Variants in VCL observed in about 807,000 individuals in gnomAD.
VCL encodes the protein epididymis luminal protein 114.
A neutral mutation model predicts 125.7 loss-of-function variants in VCL; 47 were observed. The ratio of observed to expected loss-of-function variants is 0.37; its 90% CI spans 0.30 to 0.48. The LOEUF is 0.48. Ranked by LOEUF, VCL falls within the 20% of genes least tolerant of loss-of-function variation. The pLI is 0.99. For missense variants in VCL, 1,069 were observed against 1,455.5 expected (o/e 0.73, Z 4.32); for synonymous variants, 458 against 514.6 (o/e 0.89, Z 1.49).
intron 1 of VCL, among the ~76,000 whole-genome samples, chr10:74,039,760 C>G (rs1299408427): frequency 6.6e-6 from 1 of 151,578 alleles, no homozygotes; most frequent in Non-Finnish European, 1.5e-5. Context: ...GGGGCCAGAT[C>G]ATGTCTCTTA....
At chr10:74,062,048 A>C (rs1480019430) in intron 2 of VCL, among the ~76,000 whole-genome samples, 1 of 150,874 alleles carries the variant, frequency 6.6e-6, no homozygotes, top group Non-Finnish European at 1.5e-5. Context: ...CAGGCGCACA[A>C]CACCATGCCA....
chr10:74,072,853 G>A lies in VCL; in HGVS notation c.622+1G>A. 6.2e-7 allele frequency: 1 copy of A among 1,613,896 alleles called. No homozygotes were observed. The highest frequency in any genetic ancestry group is 8.5e-7 in the Non-Finnish European group (1 of 1,179,930). On this transcript the variant is annotated splice_donor_variant, in intron 5 of 21. Transcript: ENST00000211998. LOFTEE classifies it high-confidence loss of function. ...GAGTTGCTGCCAGTTCTCATTTCAG[G>A]TACTTCCTGCCTGTACTTTATTTTA...
intron 2 of VCL, among the ~76,000 whole-genome samples, chr10:74,044,388 CAT>C (rs1207122292): frequency 5.3e-5 from 8 of 152,074 alleles, no homozygotes; most frequent in Non-Finnish European, 1.2e-4. Context: ...ATAAGAATAA[CAT>C]AAGACTTTCC....
intron 1 of VCL, among the ~76,000 whole-genome samples, chr10:74,022,164 C>T (rs1840681785): frequency 6.6e-6 from 1 of 151,984 alleles, no homozygotes; most frequent in African/African-American, 2.4e-5. Flanking sequence ...TTTTAACTGT[C>T]CAGGAGCTAA....
intron 2 of VCL, among the ~76,000 whole-genome samples, chr10:74,043,765 G>A (rs952031681): frequency 1.3e-5 from 2 of 152,068 alleles, no homozygotes; most frequent in African/African-American, 4.8e-5. Context: ...TGTATACTAG[G>A]CACCTTTGCT....
chr10:74,023,780 A>C (rs1006078714), intron 1 of VCL, among the ~76,000 whole-genome samples: 1 of 152,262 alleles, frequency 6.6e-6, no homozygotes, highest in African/African-American at 2.4e-5. Flanking sequence ...TATGAAGAGC[A>C]GTGATGAAAT....
At chr10:74,115,295 C>G (rs1840294259) in intron 21 of VCL, among the ~76,000 whole-genome samples, 1 of 152,002 alleles carries the variant, frequency 6.6e-6, no homozygotes, top group African/African-American at 2.4e-5. Context: ...GTAGTCCCAG[C>G]TACTCAGGAG....
At chr10:74,047,571 C>T (rs1481278063) in intron 2 of VCL, among the ~76,000 whole-genome samples, 1 of 152,164 alleles carries the variant, frequency 6.6e-6, no homozygotes, top group East Asian at 1.9e-4. Flanking sequence ...TCTCAAGTGA[C>T]TGCTTAAGCA....
intron 2 of VCL, among the ~76,000 whole-genome samples, chr10:74,043,885 A>G (rs1385724011): frequency 6.6e-6 from 1 of 151,970 alleles, no homozygotes; most frequent in African/African-American, 2.4e-5. Context: ...AGGAGGGTGG[A>G]TCACCTCAGG....
Position 74,089,464 on chromosome 10 carries a change from C to T in VCL, c.1176+115C>T, listed in dbSNP as rs1839842425. ...ATTTACTGTGGTTGGATAATGGTTT[C>T]TAAGTGATGAGTGACTTCCAGCACT... On this transcript the variant is annotated intron_variant, in intron 9 of 21. Transcript: ENST00000211998. 2.7e-6 allele frequency: 4 copies of T among 1,494,866 alleles called. No homozygotes were observed. In the East Asian group the frequency reaches 6.9e-5, roughly 26 times the overall value. The allele number at this position is 1,494,866 out of a possible 1,614,324, so 92.6% of individuals were successfully genotyped here. A position where few individuals can be genotyped will look rare whatever the true frequency, so the allele number is the denominator to read the frequency against.
intron 6 of VCL, 47 bp from the exon 7 acceptor site, chr10:74,082,407 A>G (rs947679499): frequency 1.9e-6 from 3 of 1,599,106 alleles, no homozygotes; most frequent in Admixed American, 1.7e-5. Context: ...CTATCATGGT[A>G]TCTCAACTTT....
Position 74,100,951 on chromosome 10 carries a change from T to A in VCL, c.1876T>A (p.Phe626Ile). 6.2e-7 allele frequency: 1 copy of A among 1,614,004 alleles called. No homozygotes were observed. Among genetic ancestry groups the A allele is most frequent in the Non-Finnish European group, 8.5e-7 (1 of 1,179,972 alleles). ...TAATATCTGTTTTTTCCTCAAGGTA[T>A]TTGATGAGAGGGCAGCTAACTTTGA... ...PPDAPNREEV[F>I]DERAANFENH... Residue 626 changes from phenylalanine to isoleucine, a missense_variant, in exon 14 of 22, where the codon TTT (phenylalanine) becomes ATT (isoleucine). Physicochemically the swap from Phe to Ile is conservative, Grantham distance 21. Around this residue, in one of 6 missense-constraint regions of VCL, gnomAD observed 760 missense variants for 928.9 expected, o/e 0.82. Coordinates refer to ENST00000211998, the MANE Select transcript of VCL (RefSeq NM_014000.3).
chr10:74,067,481 CA>C (rs1841590399), intron 2 of VCL, among the ~76,000 whole-genome samples: 1 of 151,868 alleles, frequency 6.6e-6, no homozygotes, highest in Non-Finnish European at 1.5e-5. Context: ...CTCAAAAAAT[CA>C]AACATGGAAT....
chr10:73,998,799 G>C (rs936038752), intron 1 of VCL, among the ~76,000 whole-genome samples: 2 of 152,246 alleles, frequency 1.3e-5, no homozygotes. Context: ...CGATCTGGCT[G>C]TGCGGGGGAG....
intron 1 of VCL, among the ~76,000 whole-genome samples, chr10:74,003,320 A>G (rs999512495): frequency 2.0e-5 from 3 of 152,200 alleles, no homozygotes; most frequent in Non-Finnish European, 4.4e-5. Flanking sequence ...AAGGGTGGGA[A>G]AGGAAAAATA....
intron 19 of VCL, among the ~76,000 whole-genome samples, 153 bp from the exon 20 acceptor site, chr10:74,114,031 G>C (rs141194476): frequency 6.6e-6 from 1 of 151,260 alleles, no homozygotes; most frequent in African/African-American, 2.4e-5. Context: ...AGTGCTATCC[G>C]TATCACTCAA....
At chr10:74,039,215 G>T (rs1004623410) in intron 1 of VCL, among the ~76,000 whole-genome samples, 1 of 151,986 alleles carries the variant, frequency 6.6e-6, no homozygotes, top group African/African-American at 2.4e-5. Flanking sequence ...GCCCGGCCAC[G>T]TGGTTTTTAT....
rs960761223 is a variant in VCL, at chr10:74,097,274, C to G, written c.1814C>G (p.Pro605Arg). The stretch of plus-strand genomic sequence containing the variant: ...GATGTTTTCAGCGATACCACAACTC[C>G]CATCAAGCTGTTGGCAGTGGCAGCC... ...VSDVFSDTTT[P>R]IKLLAVAATA... Residue 605 changes from proline to arginine, a missense_variant, in exon 13 of 22, where the codon CCC (proline) becomes CGC (arginine). Transcript: ENST00000211998. This position sits in a 1 kb window ranked among gnomAD's most constrained non-coding sequence, Gnocchi z 4.1. The G allele has an allele frequency of 5.6e-6, 9 of 1,613,986 alleles. No individual in the cohort carries two copies. Among genetic ancestry groups the G allele is most frequent in the Non-Finnish European group, 7.6e-6 (9 of 1,179,996 alleles).
chr10:74,089,474 A>G, intron 9 of VCL, 125 bp downstream of exon 9: 1 of 1,380,460 alleles, frequency 7.2e-7, no homozygotes, highest in Non-Finnish European at 1.0e-6. Context: ...CTAAGTGATG[A>G]GTGACTTCCA....
Sources: allele counts gnomAD v4.1 joint callset (sites outside exome capture counted in the v4.1 genomes callset), GRCh38; gene constraint gnomAD v4.1.1; regional missense constraint gnomAD v4.1.1; non-coding constraint Gnocchi (gnomAD v3.1); transcripts MANE v1.5; gene names NCBI Gene and HGNC (gene_info 2026-07-23, HGNC 2026-07-21).